NXPE4: variants seen among roughly 807,000 people sequenced by gnomAD.
NXPE4 encodes neurexophilin and PC-esterase domain family member 4, also known as NXPE family member 4.
Under a neutral mutation model 33.3 loss-of-function variants are expected in NXPE4, and 42 were observed. The ratio of observed to expected loss-of-function variants is 1.26; its 90% CI spans 0.98 to 1.63. The LOEUF is 1.63. NXPE4 is among the 40% of genes most tolerant of loss of function. The pLI, the probability that NXPE4 is intolerant of heterozygous loss-of-function variation, is 0.00. For synonymous variants in NXPE4, 253 were observed against 234.9 expected (o/e 1.08, Z -0.71); for missense variants, 709 against 647.6 (o/e 1.09, Z -1.03).
the NXPE4 span, among the ~76,000 whole-genome samples, chr11:114,620,519 T>TG: frequency 2.6e-5 from 4 of 151,348 alleles, no homozygotes; most frequent in African/African-American, 9.7e-5. Flanking sequence ...GGGTAACCAC[T>TG]TTAAGGCGGT....
the NXPE4 span, among the ~76,000 whole-genome samples, chr11:114,633,053 T>C: frequency 2.6e-5 from 3 of 115,526 alleles, no homozygotes; most frequent in African/African-American, 3.5e-5. Flanking sequence ...AATTGCATTA[T>C]TATTTTATAT....
chr11:114,629,934 T>C, the NXPE4 span, among the ~76,000 whole-genome samples: 1,432 of 149,844 alleles, frequency 9.6e-3, 32 homozygotes, highest in African/African-American at 0.033. Flanking sequence ...GCTTCAAAGA[T>C]AATAAAATAC....
the NXPE4 span, among the ~76,000 whole-genome samples, chr11:114,601,721 TA>T: frequency 2.7e-5 from 2 of 72,792 alleles, no homozygotes; most frequent in African/African-American, 1.2e-4. Context: ...TTATATATTA[TA>T]ATTATATATT....
chr11:114,609,104 G>A, the NXPE4 span, among the ~76,000 whole-genome samples: 2 of 151,600 alleles, frequency 1.3e-5, no homozygotes, highest in African/African-American at 4.8e-5. Flanking sequence ...GTTGCCTCAT[G>A]GGTAGCTACT....
chr11:114,630,229 A>T, the NXPE4 span, among the ~76,000 whole-genome samples: 75 of 151,978 alleles, frequency 4.9e-4, 1 homozygote, highest in South Asian at 0.015. Flanking sequence ...ATCCTGAGTC[A>T]AAAGAACAAA....
the NXPE4 span, among the ~76,000 whole-genome samples, chr11:114,650,259 A>C: frequency 3.3e-5 from 5 of 152,202 alleles, no homozygotes; most frequent in Admixed American, 6.5e-5. Context: ...TATAAAAAGG[A>C]AAGAAGAATC....
chr11:114,596,144 G>GT (rs1171850264), upstream of NXPE4, among the ~76,000 whole-genome samples: 1 of 152,130 alleles, frequency 6.6e-6, no homozygotes, highest in Non-Finnish European at 1.5e-5. Flanking sequence ...ATTCAAGTGC[G>GT]TATTATCTCA....
chr11:114,633,070 T>G, the NXPE4 span, among the ~76,000 whole-genome samples: 2 of 118,436 alleles, frequency 1.7e-5, no homozygotes, highest in South Asian at 2.4e-4. Context: ...ATATTTTGTT[T>G]TTTATAATTT....
At chr11:114,651,290 C>G in the NXPE4 span, among the ~76,000 whole-genome samples, 5 of 151,814 alleles carry the variant, frequency 3.3e-5, no homozygotes, top group South Asian at 4.2e-4. Flanking sequence ...TTCGTGGTCT[C>G]GCTGACTTTA....
At chr11:114,618,576 C>T in the NXPE4 span, among the ~76,000 whole-genome samples, 74 of 152,110 alleles carry the variant, frequency 4.9e-4, no homozygotes, top group African/African-American at 1.7e-3. Flanking sequence ...ATAAGTATTG[C>T]CTCGTGGGTA....
the NXPE4 span, among the ~76,000 whole-genome samples, chr11:114,615,119 A>G: frequency 6.6e-6 from 1 of 151,512 alleles, no homozygotes; most frequent in Non-Finnish European, 1.5e-5. Context: ...ACCACTGTTA[A>G]CAGGTGCATA....
the NXPE4 span, among the ~76,000 whole-genome samples, chr11:114,605,946 G>T: frequency 6.6e-6 from 1 of 151,734 alleles, no homozygotes; most frequent in African/African-American, 2.4e-5. Flanking sequence ...CTGTTACCTG[G>T]TGGATAATAA....
chr11:114,611,280 C>T, the NXPE4 span, among the ~76,000 whole-genome samples: 7 of 142,854 alleles, frequency 4.9e-5, no homozygotes, highest in East Asian at 1.5e-3. Flanking sequence ...GTTACCCTGT[C>T]GATAATAAGT....
chr11:114,575,429 T>C (rs1281946010), intron 5 of NXPE4, among the ~76,000 whole-genome samples: 1 of 152,016 alleles, frequency 6.6e-6, no homozygotes, highest in Non-Finnish European at 1.5e-5. Flanking sequence ...TATGATAGTA[T>C]ACCTAGAAAA....
the NXPE4 span, among the ~76,000 whole-genome samples, chr11:114,668,326 C>T: frequency 6.6e-6 from 1 of 151,740 alleles, no homozygotes; most frequent in Non-Finnish European, 1.5e-5. Context: ...AGTGAACAGG[C>T]TAACATACCA....
the NXPE4 span, among the ~76,000 whole-genome samples, chr11:114,649,952 T>C: frequency 6.6e-6 from 1 of 152,192 alleles, no homozygotes; most frequent in Non-Finnish European, 1.5e-5. Context: ...TTGAAATGGA[T>C]GAATTATATT....
rs1948988517 is a variant in NXPE4 at position 114,576,078 on chromosome 11, C to A, written c.1099+4054G>T. On this transcript the variant is annotated intron_variant, in intron 5 of 5. Transcript: ENST00000375478. ...TACAGCCAACTGATCTTTGACAAAG[C>A]AAACAAAAACATAAAGTAGGGGAAG... Among the ~76,000 whole-genome samples the A allele has an allele frequency of 2.6e-5, 4 of 151,976 alleles. No homozygotes were observed. The South Asian group carries it at 8.3e-4, about 32-fold the overall frequency.
chr11:114,592,815 A>G (rs1450735055), intron 2 of NXPE4, among the ~76,000 whole-genome samples: 1 of 152,178 alleles, frequency 6.6e-6, no homozygotes, highest in African/African-American at 2.4e-5. Context: ...TTATACTGGC[A>G]TAAATATAGT....
At chr11:114,630,938 G>A in the NXPE4 span, among the ~76,000 whole-genome samples, 1 of 151,254 alleles carries the variant, frequency 6.6e-6, no homozygotes, top group Non-Finnish European at 1.5e-5. Context: ...CACCATCACT[G>A]GCCATCAGAG....
Sources: allele counts gnomAD v4.1 joint callset (sites outside exome capture counted in the v4.1 genomes callset), GRCh38; gene constraint gnomAD v4.1.1; transcripts MANE v1.5; gene names NCBI Gene and HGNC (gene_info 2026-07-23, HGNC 2026-07-21).